FAM111B: variants seen among roughly 807,000 people sequenced by gnomAD.
FAM111B encodes the protein serine protease FAM111B.
Under a neutral mutation model 2.8 loss-of-function variants are expected in FAM111B, and 1 was observed. The ratio of observed to expected loss-of-function variants is 0.36; its 90% CI spans 0.13 to 1.70. The LOEUF is 1.70. Among genes scored for constraint, FAM111B ranks in the 40% most tolerant of loss-of-function variants. FAM111B has a pLI of 0.35. For synonymous variants in FAM111B, 297 were observed against 295.6 expected (o/e 1.00, Z -0.05); for missense variants, 882 against 878.9 (o/e 1.00, Z -0.04).
chr11:59,115,772 A>G (rs768162211), intron 3 of FAM111B, among the ~76,000 whole-genome samples: 21 of 152,204 alleles, frequency 1.4e-4, no homozygotes, highest in Non-Finnish European at 2.9e-4. Context: ...TTCACATTAT[A>G]ATGAGGCAAG....
At chr11:59,115,703 T>A (rs1410151354) in intron 3 of FAM111B, among the ~76,000 whole-genome samples, 2 of 152,142 alleles carry the variant, frequency 1.3e-5, no homozygotes, top group Non-Finnish European at 2.9e-5. Flanking sequence ...AGATATCATG[T>A]TAGTACTTAC....
intron 3 of FAM111B, among the ~76,000 whole-genome samples, chr11:59,117,930 A>G (rs1859863222): frequency 1.3e-5 from 2 of 152,132 alleles, no homozygotes; most frequent in Admixed American, 6.5e-5. Flanking sequence ...GTGAAAGTAC[A>G]CTCCACAGAG....
Position 59,125,851 on chromosome 11 carries a change from A to G in FAM111B, c.1754A>G (p.Lys585Arg), listed in dbSNP as rs776738331. 1 of 1,613,946 alleles carries G rather than the reference A, an allele frequency of 6.2e-7. No individual in the cohort carries two copies. Among genetic ancestry groups the G allele is most frequent in the Non-Finnish European group, 8.5e-7 (1 of 1,179,852 alleles). Reference protein sequence around the residue: ...YLIGHPEGQIKKIDGCTVIPL... With the variant: ...YLIGHPEGQIRKIDGCTVIPL... ...ATTGGTCATCCTGAAGGCCAGATCA[A>G]GAAAATAGATGGTTGTACTGTGATT... The change falls in exon 4 of 4, where the codon AAG becomes AGG. Residue 585 changes from lysine (K) to arginine (R), a missense_variant. Transcript: ENST00000343597.
chr11:59,126,043 C>T lies in FAM111B; in HGVS notation c.1946C>T (p.Ser649Phe), dbSNP rs573535193. 1.2e-6 allele frequency: 2 copies of T among 1,613,876 alleles called. No homozygotes were observed. Among genetic ancestry groups the T allele is most frequent in the Non-Finnish European group, 1.7e-6 (2 of 1,179,860 alleles). ...TATGATACTTGTTTCTCTGATGGGT[C>T]CTCAGGCTCCCCAGTGTTTAATGCA... ...LSYDTCFSDGSSGSPVFNASG... is the reference protein window; with the variant it reads ...LSYDTCFSDGFSGSPVFNASG... The change falls in exon 4 of 4, where the codon TCC becomes TTC. Residue 649 changes from serine (S) to phenylalanine (F), a missense_variant. Ser to Phe is a radical substitution (Grantham distance 155). Coordinates refer to ENST00000343597, the MANE Select transcript of FAM111B (RefSeq NM_198947.4).
chr11:59,125,450 C>T lies in FAM111B; in HGVS notation c.1353C>T (p.Cys451=), dbSNP rs187674444. The T allele has an allele frequency of 1.6e-5, 26 of 1,613,900 alleles. No individual in the cohort carries two copies. The highest frequency in any genetic ancestry group is 4.5e-5 in the East Asian group (2 of 44,882). The change falls in exon 4 of 4, where the codon TGC becomes TGT. Residue 451 remains cysteine, a synonymous_variant. Coordinates refer to ENST00000343597, the MANE Select transcript of FAM111B (RefSeq NM_198947.4). ...CAAATTCTGTTTCAGTTGCAACCTG[C>T]GAACAGCTTACATATTATAGCAAGT... ...MTANSVSVAT[C]EQLTYYSKSV...
At chr11:59,124,093 T>C in intron 3 of FAM111B, 86 bp from the exon 4 acceptor site, 1 of 846,508 alleles carries the variant, frequency 1.2e-6, no homozygotes, top group Non-Finnish European at 1.7e-6. Flanking sequence ...TTTTTATTCA[T>C]AATATCTATT....
rs780941789 is a variant in FAM111B at position 59,124,199 on chromosome 11, A to G, written c.102A>G (p.Thr34=). Residue 34 remains threonine (T), a synonymous_variant, in exon 4 of 4, where the codon ACA becomes ACG. Coordinates refer to ENST00000343597, the MANE Select transcript of FAM111B (RefSeq NM_198947.4). ...TTAAGGATACTGTCATGAAGCAGAC[A>G]CATGCTGACACACCTGTTGATCATT... The part of the protein sequence containing the change: ...EVSKDTVMKQ[T]HADTPVDHCL... The G allele has an allele frequency of 1.9e-6, 3 of 1,611,606 alleles. No individual in the cohort carries two copies. Among genetic ancestry groups the G allele is most frequent in the South Asian group, 1.1e-5 (1 of 90,832 alleles).
intron 3 of FAM111B, among the ~76,000 whole-genome samples, chr11:59,121,604 C>A (rs1859922816): frequency 1.3e-5 from 2 of 152,150 alleles, no homozygotes; most frequent in Non-Finnish European, 1.5e-5. Context: ...TGCCTCATGT[C>A]TTCAAATATT....
intron 3 of FAM111B, 194 bp downstream of exon 3, chr11:59,109,900 A>G (rs1359125562): frequency 2.7e-6 from 1 of 367,890 alleles, no homozygotes; most frequent in Non-Finnish European, 4.9e-6. Context: ...TGCTAAACGT[A>G]TGTTAAGACA....
chr11:59,124,172 T>A lies in FAM111B; in HGVS notation c.82-7T>A, dbSNP rs764519594. On this transcript the variant is annotated splice_polypyrimidine_tract_variant and splice_region_variant and intron_variant, in intron 3 of 3. Coordinates refer to ENST00000343597, the MANE Select transcript of FAM111B (RefSeq NM_198947.4). ...CTTGTTAACCTCTTTAATCTTTCCTTTTTAAGGATACTGTCATGAAGCAGA... is the reference window on the plus strand; with the variant it reads ...CTTGTTAACCTCTTTAATCTTTCCTATTTAAGGATACTGTCATGAAGCAGA... 8 of 1,581,728 alleles carry A rather than the reference T, an allele frequency of 5.1e-6. No homozygotes were observed. The Admixed American group carries it at 9.2e-5, about 18-fold the overall frequency.
chr11:59,124,892 A>C lies in FAM111B; in HGVS notation c.795A>C (p.Glu265Asp). The change falls in exon 4 of 4, where the codon GAA becomes GAC. Residue 265 changes from glutamate (E) to aspartate (D), a missense_variant. Glu to Asp is a conservative substitution (Grantham distance 45, BLOSUM62 2). Transcript: ENST00000343597. ...MVDEVSGKVL[E>D]MDISKKKALQ... ...ATGAAGTATCTGGAAAAGTCTTAGA[A>C]ATGGACATTTCAAAAAAAAAAGCAT... The C allele has an allele frequency of 6.2e-7, 1 of 1,602,822 alleles. No individual in the cohort carries two copies. The highest frequency in any genetic ancestry group is 8.5e-7 in the Non-Finnish European group (1 of 1,176,874).
chr11:59,124,905 A>C lies in FAM111B; in HGVS notation c.808A>C (p.Lys270Gln), dbSNP rs948062788. The change falls in exon 4 of 4, where the codon AAA becomes CAA. Residue 270 changes from lysine to glutamine, a missense_variant. Lys to Gln is a moderately conservative substitution (Grantham distance 53). Transcript: ENST00000343597. ...AAAAGTCTTAGAAATGGACATTTCA[A>C]AAAAAAAAGCATTACAACAGAAAGA... ...SGKVLEMDIS[K>Q]KKALQQKDIH... The C allele has an allele frequency of 1.9e-6, 3 of 1,592,764 alleles. No individual in the cohort carries two copies. In the East Asian group the frequency reaches 6.7e-5, roughly 36 times the overall value.
In FAM111B at chr11:59,126,384, C is replaced by T; in HGVS notation, c.*82C>T. ...ACAAAGACACTTAAAGCAATTGCAA[C>T]AAAAGTGAAAATTGGCAAATGAGAC... On this transcript the variant is annotated 3_prime_UTR_variant, in exon 4 of 4. Coordinates refer to ENST00000343597, the MANE Select transcript of FAM111B (RefSeq NM_198947.4). 1.6e-6 allele frequency: 2 copies of T among 1,213,378 alleles called. No individual in the cohort carries two copies. Among genetic ancestry groups the T allele is most frequent in the Non-Finnish European group, 2.2e-6 (2 of 890,652 alleles). 75.2% of individuals were successfully genotyped at this position (1,213,378 alleles called of 1,614,324 possible). A position where few individuals can be genotyped will look rare whatever the true frequency, so the allele number is the denominator to read the frequency against.
At chr11:59,111,016 G>C (rs1425350862) in intron 3 of FAM111B, among the ~76,000 whole-genome samples, 1 of 152,178 alleles carries the variant, frequency 6.6e-6, no homozygotes, top group Non-Finnish European at 1.5e-5. Flanking sequence ...ATTCAGCTGA[G>C]CTCTTAATTC....
intron 3 of FAM111B, among the ~76,000 whole-genome samples, chr11:59,121,549 T>C (rs1859921900): frequency 6.6e-6 from 1 of 152,248 alleles, no homozygotes; most frequent in South Asian, 2.1e-4. Context: ...ATATCTATTA[T>C]AATAAAGATG....
chr11:59,111,684 TAGAC>T (rs753838823), intron 3 of FAM111B, among the ~76,000 whole-genome samples: 1 of 152,170 alleles, frequency 6.6e-6, no homozygotes, highest in Non-Finnish European at 1.5e-5. Flanking sequence ...GCTGTGGAAT[TAGAC>T]AGTGCAGATG....
intron 3 of FAM111B, among the ~76,000 whole-genome samples, chr11:59,116,722 C>T (rs1388014988): frequency 6.6e-6 from 1 of 151,972 alleles, no homozygotes. Context: ...ATGGCAGAAT[C>T]AACACAAACT....
chr11:59,109,076 T>C (rs1859713380), intron 2 of FAM111B, among the ~76,000 whole-genome samples: 2 of 152,190 alleles, frequency 1.3e-5, no homozygotes, highest in African/African-American at 4.8e-5. Flanking sequence ...AATTATGAAG[T>C]TTTCTAGTCG....
At chr11:59,118,086 A>G (rs971346922) in intron 3 of FAM111B, among the ~76,000 whole-genome samples, 1 of 152,222 alleles carries the variant, frequency 6.6e-6, no homozygotes, top group Non-Finnish European at 1.5e-5. Context: ...CACTGGTTGC[A>G]GGAGAGGACC....
Sources: gnomAD v4.1 joint callset for allele counts (sites outside exome capture counted in the v4.1 genomes callset) on GRCh38, gnomAD v4.1.1 for gene constraint, MANE v1.5 for transcripts, NCBI Gene and HGNC (gene_info 2026-07-23, HGNC 2026-07-21) for gene names.